The following RIN2 variants were observed in gnomAD, a reference collection of about 807,000 sequenced individuals.
RIN2 encodes RAB5 interacting protein 2.
In RIN2, 36 loss-of-function variants were observed where a neutral mutation model predicts 78.0. The observed-to-expected ratio is 0.46, with a 90% CI of 0.35 to 0.61. The LOEUF is 0.61. Ranked by LOEUF, RIN2 falls within the 20% of genes least tolerant of loss-of-function variation. The pLI, the probability that RIN2 is intolerant of heterozygous loss-of-function variation, is 0.00. For missense variants in RIN2, 1,087 were observed against 1,159.7 expected (o/e 0.94, Z 0.91); for synonymous variants, 466 against 466.8 (o/e 1.00, Z 0.02).
intron 3 of RIN2, among the ~76,000 whole-genome samples, chr20:19,893,194 G>A (rs181029114): frequency 1.2e-4 from 19 of 152,260 alleles, no homozygotes; most frequent in Non-Finnish European, 1.9e-4. Flanking sequence ...AGCTGAGGTC[G>A]ACATTATACC....
At chr20:19,916,502 C>T (rs407416) in intron 3 of RIN2, among the ~76,000 whole-genome samples, 35,788 of 152,128 alleles carry the variant, frequency 0.24, 5,027 homozygotes, top group East Asian at 0.54. Context: ...ACCTCTGGTT[C>T]CAGCTACTCA....
chr20:19,913,516 A>C (rs1385612980), intron 3 of RIN2, among the ~76,000 whole-genome samples: 2 of 152,182 alleles, frequency 1.3e-5, no homozygotes, highest in African/African-American at 4.8e-5. Context: ...TGCAACCATC[A>C]CCACCATCCA....
At chr20:19,999,769 C>T (rs1376609265) in intron 12 of RIN2, among the ~76,000 whole-genome samples, 1 of 152,166 alleles carries the variant, frequency 6.6e-6, no homozygotes, top group African/African-American at 2.4e-5. Flanking sequence ...AGCACCTGAG[C>T]CTGCAAACGT....
At chr20:19,889,712 G>A in intron 3 of RIN2, 54 bp downstream of exon 3, 2 of 1,347,650 alleles carry the variant, frequency 1.5e-6, no homozygotes, top group Non-Finnish European at 1.0e-6. Context: ...GCCTGAGCCT[G>A]GGAGCTGCGG....
intron 4 of RIN2, among the ~76,000 whole-genome samples, chr20:19,944,008 T>C (rs2040988537): frequency 7.5e-6 from 1 of 132,716 alleles, no homozygotes; most frequent in African/African-American, 2.8e-5. Context: ...TTTTTACCTA[T>C]AACTAGACTC....
At chr20:19,982,889 C>G (rs1040526185) in intron 9 of RIN2, among the ~76,000 whole-genome samples, 1 of 152,192 alleles carries the variant, frequency 6.6e-6, no homozygotes, top group African/African-American at 2.4e-5. Flanking sequence ...AACTGTAAGG[C>G]ATGTTCAACG....
chr20:19,930,155 A>C (rs2040386494), intron 3 of RIN2, among the ~76,000 whole-genome samples: 1 of 152,198 alleles, frequency 6.6e-6, no homozygotes. Context: ...AAGGGTCCAC[A>C]GCGATCCAGC....
At chr20:19,776,852 T>C (rs1236792263) in intron 1 of RIN2, among the ~76,000 whole-genome samples, 5 of 152,154 alleles carry the variant, frequency 3.3e-5, no homozygotes, top group Non-Finnish European at 5.9e-5. Flanking sequence ...ATGTATTGAT[T>C]ATGTCTTAGA....
chr20:19,783,806 C>T (rs1353043402), intron 1 of RIN2, among the ~76,000 whole-genome samples: 3 of 152,114 alleles, frequency 2.0e-5, no homozygotes, highest in East Asian at 1.9e-4. Flanking sequence ...TGTTCACACT[C>T]GCTCTCATCA....
In RIN2 at chr20:20,001,165, G is replaced by C. The variant is rs949764499; in HGVS notation, c.*229G>C. On this transcript the variant is annotated 3_prime_UTR_variant, in exon 13 of 13. Transcript: ENST00000255006. ...TTGGCAATGGAGAATTGCATCTGAT[G>C]GTTCAAGTGTCCTGAGATTGTTTGC... 4 of 526,904 alleles carry C rather than the reference G, an allele frequency of 7.6e-6. No individual in the cohort carries two copies. Among genetic ancestry groups the C allele is most frequent in the Non-Finnish European group, 1.4e-5 (4 of 294,956 alleles). 32.6% of individuals were successfully genotyped at this position (526,904 alleles called of 1,614,324 possible). A position where few individuals can be genotyped will look rare whatever the true frequency, so the allele number is the denominator to read the frequency against.
At chr20:19,855,946 C>G (rs1352293590) in intron 2 of RIN2, among the ~76,000 whole-genome samples, 5 of 152,092 alleles carry the variant, frequency 3.3e-5, no homozygotes, top group African/African-American at 1.2e-4. Context: ...TGGTGGCAGG[C>G]ACCTGTGATC....
intron 2 of RIN2, among the ~76,000 whole-genome samples, chr20:19,844,574 A>AGCTGCTGCTGCTGCT (rs67145587): frequency 7.9e-5 from 11 of 139,800 alleles, no homozygotes; most frequent in South Asian, 4.8e-4. Context: ...CCAACTAGAG[A>AGCTGCTGCTGCTGCT]GCTGCTGCTG....
intron 11 of RIN2, among the ~76,000 whole-genome samples, chr20:19,993,880 A>G (rs1274156327): frequency 6.6e-6 from 1 of 152,144 alleles, no homozygotes; most frequent in African/African-American, 2.4e-5. Context: ...AATTCTAGTA[A>G]TATAAGTATG....
chr20:19,791,537 C>T (rs1188998199), intron 1 of RIN2, among the ~76,000 whole-genome samples: 4 of 152,148 alleles, frequency 2.6e-5, no homozygotes, highest in African/African-American at 9.7e-5. Flanking sequence ...CATAAAATTA[C>T]AGTAACATGA....
At chr20:19,943,746 T>C (rs1178005285) in intron 4 of RIN2, among the ~76,000 whole-genome samples, 2 of 152,104 alleles carry the variant, frequency 1.3e-5, no homozygotes, top group South Asian at 2.1e-4. Flanking sequence ...TGGCTAAATA[T>C]GCAGGGGTCC....
chr20:19,762,841 A>G (rs1489711548), intron 1 of RIN2, among the ~76,000 whole-genome samples: 2 of 151,968 alleles, frequency 1.3e-5, no homozygotes, highest in Non-Finnish European at 2.9e-5. Flanking sequence ...TCGGCTCACT[A>G]CAACCTCCAC....
At chr20:19,909,824 T>C (rs1025699030) in intron 3 of RIN2, among the ~76,000 whole-genome samples, 1 of 152,188 alleles carries the variant, frequency 6.6e-6, no homozygotes, top group Non-Finnish European at 1.5e-5. Context: ...CCACAAGACA[T>C]TGGCTTCCCC....
intron 9 of RIN2, among the ~76,000 whole-genome samples, chr20:19,989,236 C>CTA (rs1471264524): frequency 2.0e-5 from 3 of 148,146 alleles, no homozygotes; most frequent in Non-Finnish European, 1.5e-5. Context: ...AGATCACATA[C>CTA]TATATTTAGG....
At chr20:19,826,979 T>TTG (rs1555827779) in intron 2 of RIN2, among the ~76,000 whole-genome samples, 2 of 149,028 alleles carry the variant, frequency 1.3e-5, no homozygotes, top group Admixed American at 6.6e-5. Context: ...TTTTGGGTTT[T>TTG]TTTTTTTTTT....
Sources: gnomAD v4.1 joint callset for allele counts (sites outside exome capture counted in the v4.1 genomes callset) on GRCh38, gnomAD v4.1.1 for gene constraint, MANE v1.5 for transcripts, NCBI Gene and HGNC (gene_info 2026-07-23, HGNC 2026-07-21) for gene names.